NCOA3: variants seen among roughly 807,000 people sequenced by gnomAD.
NCOA3 encodes the protein nuclear receptor coactivator 3, also known as CBP-interacting protein.
In NCOA3, 51 loss-of-function variants were observed where a neutral mutation model predicts 158.8. The observed-to-expected ratio is 0.32, with a 90% CI of 0.26 to 0.41. The LOEUF (loss-of-function observed/expected upper bound fraction) is 0.41, where lower values mean the gene tolerates loss of function less well. Among genes scored for constraint, NCOA3 ranks in the 10% least tolerant of loss-of-function variants. NCOA3 has a pLI of 1.00. For missense variants in NCOA3, 1,510 were observed against 1,746.6 expected, an observed-to-expected ratio of 0.86 and a Z score of 2.41; for synonymous variants, 537 against 592.4, an observed-to-expected ratio of 0.91 and a Z score of 1.36.
In NCOA3 at chr20:47,635,619, T is replaced by A; in HGVS notation, c.1410T>A (p.Ser470Arg). The change falls in exon 11 of 23, where the codon AGT becomes AGA. Residue 470 changes from serine to arginine, a missense_variant. Transcript: ENST00000371998. ...ACATGAGTAGCCCCCCACATGGGAG[T>A]CCTGGTCTTGCCCCAAACCAGCAGA... is the stretch of plus-strand genomic sequence containing the variant. ...GLNMSSPPHG[S>R]PGLAPNQQNI... The A allele has an allele frequency of 6.2e-7, 1 of 1,614,044 alleles. No homozygotes were observed. The highest frequency in any genetic ancestry group is 8.5e-7 in the Non-Finnish European group (1 of 1,180,006).
At chr20:47,534,820 T>TG (rs930562073) in intron 1 of NCOA3, among the ~76,000 whole-genome samples, 9 of 151,824 alleles carry the variant, frequency 5.9e-5, no homozygotes, top group Non-Finnish European at 8.8e-5. Flanking sequence ...GTGGCTGAGG[T>TG]GGGAGGATCG....
rs753055086 is a variant in NCOA3 at position 47,639,145 on chromosome 20, A to C, written c.2650A>C (p.Met884Leu). 1.9e-6 allele frequency: 3 copies of C among 1,614,054 alleles called. No homozygotes were observed. In the Admixed American group the frequency reaches 5.0e-5, roughly 27 times the overall value. The change falls in exon 14 of 23, where the codon ATG becomes CTG. Residue 884 changes from methionine to leucine, a missense_variant. Around this residue, in one of 4 missense-constraint regions of NCOA3, gnomAD observed 1,017 missense variants for 1,098.3 expected, o/e 0.93. Coordinates refer to ENST00000371998, the MANE Select transcript of NCOA3 (RefSeq NM_181659.3). ...SAFPMLPKQP[M>L]LGGNPRMMDS... Reference sequence around the variant, plus strand: ...TTTCCCCATGTTACCAAAGCAACCCATGTTGGGTGGGAATCCAAGAATGAT... The same window carrying C: ...TTTCCCCATGTTACCAAAGCAACCCCTGTTGGGTGGGAATCCAAGAATGAT...
At chr20:47,635,854 A>T in intron 11 of NCOA3, 37 bp from the exon 12 acceptor site, 1 of 1,553,548 alleles carries the variant, frequency 6.4e-7, no homozygotes, top group Non-Finnish European at 8.7e-7. Flanking sequence ...AGTGTCTGGT[A>T]GTCTAATTCT....
At chr20:47,508,024 T>G (rs760376307) in intron 1 of NCOA3, among the ~76,000 whole-genome samples, 1 of 152,130 alleles carries the variant, frequency 6.6e-6, no homozygotes, top group Non-Finnish European at 1.5e-5. Context: ...TAGGTTGAGA[T>G]TTTTAGGTCT....
chr20:47,652,129 C>T (rs2086804954), intron 20 of NCOA3, among the ~76,000 whole-genome samples: 1 of 152,038 alleles, frequency 6.6e-6, no homozygotes, highest in Non-Finnish European at 1.5e-5. Flanking sequence ...TTGAGTGATA[C>T]GGAGTCCCTT....
In NCOA3 at chr20:47,649,035, T is replaced by C. The variant is rs760971038; in HGVS notation, c.3577T>C (p.Leu1193=). ...GAATCAGAGCCGACAGGCACTTGAA[T>C]TGAAAATGGAAAACCCTACTGCTGG... ...FLNQSRQALE[L]KMENPTAGGA... is the part of the protein sequence containing the mutation. Residue 1193 remains leucine, a synonymous_variant, in exon 19 of 23, where the codon TTG becomes CTG. Coordinates refer to ENST00000371998, the MANE Select transcript of NCOA3 (RefSeq NM_181659.3). 3 of 1,613,882 alleles carry C rather than the reference T, an allele frequency of 1.9e-6. No individual in the cohort carries two copies. The highest frequency in any genetic ancestry group is 2.5e-6 in the Non-Finnish European group (3 of 1,179,930).
chr20:47,536,455 A>C lies in NCOA3; in HGVS notation c.-99+34436A>C, dbSNP rs563730360. ...ATCCTAGGAGATAGAAAGTTTTGCA[A>C]GAAAAGGTCCCTGCCCAAAAAGGAG... On this transcript the variant is annotated intron_variant, in intron 1 of 22. Coordinates refer to ENST00000371998, the MANE Select transcript of NCOA3 (RefSeq NM_181659.3). Among the ~76,000 whole-genome samples, 13 of 152,356 alleles carry C rather than the reference A, an allele frequency of 8.5e-5. No individual in the cohort carries two copies. The East Asian group carries it at 2.5e-3, about 29-fold the overall frequency.
chr20:47,637,423 T>A (rs1037739506), intron 12 of NCOA3, among the ~76,000 whole-genome samples: 3 of 152,348 alleles, frequency 2.0e-5, no homozygotes, highest in South Asian at 4.1e-4. Flanking sequence ...TGTGTAAATT[T>A]AAAAAATGCC....
intron 20 of NCOA3, 45 bp downstream of exon 20, chr20:47,651,321 T>C (rs2086791646): frequency 6.4e-7 from 1 of 1,561,906 alleles, no homozygotes; most frequent in Non-Finnish European, 8.7e-7. Flanking sequence ...TTAACATTAC[T>C]AAGGACATAA....
In NCOA3 at chr20:47,642,196, T is replaced by C. The variant is rs1381259675; in HGVS notation, c.3081-17T>C. On this transcript the variant is annotated splice_polypyrimidine_tract_variant and intron_variant, in intron 16 of 22. Coordinates refer to ENST00000371998, the MANE Select transcript of NCOA3 (RefSeq NM_181659.3). ...AAAAAAAAGCACCATTGACATTGAT[T>C]GCAAGTCTTTTTCTAGGCCTCTTCT... 7.1e-6 allele frequency: 11 copies of C among 1,545,816 alleles called. No individual in the cohort carries two copies. The highest frequency in any genetic ancestry group is 7.8e-6 in the Non-Finnish European group (9 of 1,151,904).
At chr20:47,570,943 C>CACAT (rs2085282983) in intron 1 of NCOA3, among the ~76,000 whole-genome samples, 2 of 109,136 alleles carry the variant, frequency 1.8e-5, no homozygotes, top group Admixed American at 8.2e-5. Context: ...TATATATACA[C>CACAT]ACACACACAC....
intron 1 of NCOA3, among the ~76,000 whole-genome samples, chr20:47,575,511 T>G (rs1352769141): frequency 1.3e-5 from 2 of 152,202 alleles, no homozygotes; most frequent in African/African-American, 4.8e-5. Flanking sequence ...CTATCTTAAC[T>G]GACATTATAT....
chr20:47,544,409 A>C (rs190724939), intron 1 of NCOA3, among the ~76,000 whole-genome samples: 15 of 147,554 alleles, frequency 1.0e-4, no homozygotes, highest in Non-Finnish European at 1.6e-4. Context: ...CTGCAGCCTC[A>C]ACCTCCTGGG....
intron 1 of NCOA3, among the ~76,000 whole-genome samples, chr20:47,544,419 G>A (rs2084795707): frequency 6.7e-6 from 1 of 149,966 alleles, no homozygotes; most frequent in African/African-American, 2.5e-5. Flanking sequence ...AACCTCCTGG[G>A]TTTAAGCGGT....
chr20:47,566,036 C>G (rs775772703), intron 1 of NCOA3, among the ~76,000 whole-genome samples: 7 of 152,040 alleles, frequency 4.6e-5, no homozygotes, highest in African/African-American at 7.2e-5. Flanking sequence ...TGCAGTCGCA[C>G]GATCTTGGCT....
At chr20:47,651,727 C>T (rs1247168935) in intron 20 of NCOA3, among the ~76,000 whole-genome samples, 4 of 151,620 alleles carry the variant, frequency 2.6e-5, no homozygotes, top group African/African-American at 4.9e-5. Flanking sequence ...TGCAGTGGTG[C>T]GATCTTGGCT....
rs187303731 is a variant in NCOA3, at chr20:47,513,587, G to A, written c.-99+11568G>A. ...CTAAAAATACAAAAATTAGCTGGGC[G>A]TGGTGACACACACCTATAATCCCAG... On this transcript the variant is annotated intron_variant, in intron 1 of 22. Coordinates refer to ENST00000371998, the MANE Select transcript of NCOA3 (RefSeq NM_181659.3). Among the ~76,000 whole-genome samples the A allele has an allele frequency of 5.3e-5, 8 of 152,068 alleles. No homozygotes were observed. The East Asian group carries it at 7.7e-4, about 15-fold the overall frequency.
At chr20:47,587,092 A>AATGGTC (rs1215823412) in intron 2 of NCOA3, among the ~76,000 whole-genome samples, 3 of 152,118 alleles carry the variant, frequency 2.0e-5, no homozygotes, top group Non-Finnish European at 2.9e-5. Context: ...ATGATTGCAA[A>AATGGTC]ATGGTCATTT....
intron 1 of NCOA3, among the ~76,000 whole-genome samples, chr20:47,540,174 TATGTCAA>T (rs1373520730): frequency 5.9e-5 from 9 of 152,184 alleles, no homozygotes; most frequent in Non-Finnish European, 1.3e-4. Flanking sequence ...CATTGGCCTG[TATGTCAA>T]CTTTGGCTTG....
Sources: gnomAD v4.1 joint callset for allele counts (sites outside exome capture counted in the v4.1 genomes callset) on GRCh38, gnomAD v4.1.1 for gene constraint, gnomAD v4.1.1 regional missense constraint, MANE v1.5 for transcripts, NCBI Gene and HGNC (gene_info 2026-07-23, HGNC 2026-07-21) for gene names.